The following DMD variants were observed in gnomAD, a reference collection of about 807,000 sequenced individuals.
DMD encodes mutant dystrophin.
DMD carries 63 observed loss-of-function variants against 330.1 expected under a neutral mutation model. That is an observed-to-expected ratio of 0.19 (90% confidence interval 0.16 to 0.24). The LOEUF (loss-of-function observed/expected upper bound fraction) is 0.24. Ranked by LOEUF, DMD falls within the 10% of genes least tolerant of loss-of-function variation. The pLI is 1.00. For synonymous variants in DMD, 1,223 were observed against 959.8 expected, an observed-to-expected ratio of 1.27 and a Z score of -5.07; for missense variants, 3,344 against 2,684.1, an observed-to-expected ratio of 1.25 and a Z score of -5.43.
chrX:31,236,494 G>C (rs1295542309), intron 63 of DMD, among the ~76,000 whole-genome samples: 1 of 112,398 alleles, frequency 8.9e-6, no homozygotes, highest in Non-Finnish European at 1.9e-5. Flanking sequence ...CTTGCTACCA[G>C]GTGGTGCCAC....
chrX:32,993,187 G>A (rs775987343), intron 2 of DMD, among the ~76,000 whole-genome samples: 2 of 111,885 alleles, frequency 1.8e-5, no homozygotes, highest in South Asian at 7.4e-4. Flanking sequence ...CCTAACTTTA[G>A]AACCCGGATT....
intron 1 of DMD, among the ~76,000 whole-genome samples, chrX:33,210,697 A>C (rs1022157329): frequency 8.9e-6 from 1 of 111,808 alleles, no homozygotes; most frequent in African/African-American, 3.2e-5. Context: ...AGAGCATTTG[A>C]AATAGTAAAT....
chrX:31,373,354 A>G (rs1250895154), intron 60 of DMD, among the ~76,000 whole-genome samples: 121 of 99,432 alleles, frequency 1.2e-3, no homozygotes, highest in African/African-American at 4.1e-3. Flanking sequence ...AAGAGCCCGC[A>G]TCGCCAAGTC....
intron 44 of DMD, among the ~76,000 whole-genome samples, chrX:32,064,719 A>T (rs1375183474): frequency 9.0e-6 from 1 of 111,210 alleles, no homozygotes; most frequent in Non-Finnish European, 1.9e-5. Flanking sequence ...TGAGCTAAAG[A>T]GGCAAACAGT....
At chrX:33,031,598 C>A (rs1021744552) in intron 1 of DMD, among the ~76,000 whole-genome samples, 1 of 110,636 alleles carries the variant, frequency 9.0e-6, no homozygotes, top group Non-Finnish European at 1.9e-5. Context: ...CAGTGAAGCC[C>A]CGTCTCTACT....
chrX:32,992,376 A>T (rs1050215311), intron 2 of DMD, among the ~76,000 whole-genome samples: 1 of 111,747 alleles, frequency 8.9e-6, no homozygotes, highest in Non-Finnish European at 1.9e-5. Context: ...AGTGGCCCAG[A>T]TTTGCTTGCA....
intron 60 of DMD, among the ~76,000 whole-genome samples, chrX:31,427,100 T>C (rs1313336280): frequency 8.9e-6 from 1 of 111,771 alleles, no homozygotes; most frequent in African/African-American, 3.3e-5. Flanking sequence ...TTTAATTATA[T>C]TTCATCTCCC....
chrX:32,474,730 G>C (rs1165466618), intron 21 of DMD, among the ~76,000 whole-genome samples: 1 of 111,268 alleles, frequency 9.0e-6, no homozygotes, highest in East Asian at 2.8e-4. Flanking sequence ...ACTGATTTGA[G>C]TTTGTTGTAG....
chrX:31,292,969 G>C (rs1007372041), intron 62 of DMD, among the ~76,000 whole-genome samples: 53 of 110,976 alleles, frequency 4.8e-4, no homozygotes, highest in Non-Finnish European at 8.7e-4. Flanking sequence ...GATTGGGAGA[G>C]GGAATGTGGG....
chrX:32,936,133 C>T (rs1398625261), intron 2 of DMD, among the ~76,000 whole-genome samples: 6 of 106,579 alleles, frequency 5.6e-5, no homozygotes, highest in Non-Finnish European at 7.7e-5. Flanking sequence ...TTTCTGGAGA[C>T]GGAGTTTTGC....
chrX:32,947,705 C>A (rs1275177794), intron 2 of DMD, among the ~76,000 whole-genome samples: 2 of 111,363 alleles, frequency 1.8e-5, no homozygotes, highest in African/African-American at 6.5e-5. Flanking sequence ...TCAAAATGCC[C>A]TGGGAAATTA....
At chrX:32,269,468 C>T (rs2059420881) in intron 43 of DMD, among the ~76,000 whole-genome samples, 1 of 112,017 alleles carries the variant, frequency 8.9e-6, no homozygotes, top group African/African-American at 3.2e-5. Context: ...ACACTTGCCT[C>T]AGTCTCTTCT....
At position 32,454,585 on chromosome X, in the gene DMD, C is replaced by A. The variant is rs749226067; in HGVS notation, c.3603+77G>T. The A allele has an allele frequency of 1.1e-4, 97 of 869,060 alleles. 1 individual carries two copies. The East Asian group carries it at 1.2e-3, about 11-fold the overall frequency. 71.6% of individuals were successfully genotyped at this position (869,060 alleles called of 1,213,427 possible). ...CCAGGAAAGAGCAGACTGTATACAA[C>A]TTCAAGCATTGTTGCATTTCTTTCT... On this transcript the variant is annotated intron_variant, in intron 26 of 78. Coordinates refer to ENST00000357033, the MANE Select transcript of DMD (RefSeq NM_004006.3).
At chrX:31,177,298 T>A (rs1301873327) in intron 71 of DMD, among the ~76,000 whole-genome samples, 2 of 111,713 alleles carry the variant, frequency 1.8e-5, no homozygotes, top group Non-Finnish European at 3.8e-5. Context: ...AGAGCAAATG[T>A]ATAATTGTTT....
Position 32,614,294 on chromosome X carries a change from T to TA in DMD, c.1482+8dup, listed in dbSNP as rs770127975. ...CTAGTAGAAAGCACGCAACATAAGATACACCTACCTTATGTTGTTGTACTT... is the reference window on the plus strand; with the variant it reads ...CTAGTAGAAAGCACGCAACATAAGATAACACCTACCTTATGTTGTTGTACTT... On this transcript the variant is annotated intron_variant, in intron 12 of 78. Coordinates refer to ENST00000357033, the MANE Select transcript of DMD (RefSeq NM_004006.3). 21 of 1,208,224 alleles carry TA rather than the reference T, an allele frequency of 1.7e-5. No homozygotes were observed. The highest frequency in any genetic ancestry group is 2.4e-5 in the Non-Finnish European group (21 of 893,516).
intron 2 of DMD, among the ~76,000 whole-genome samples, chrX:32,882,916 G>C (rs1603456514): frequency 8.9e-6 from 1 of 112,315 alleles, no homozygotes; most frequent in South Asian, 3.7e-4. Flanking sequence ...AGAGCAAAAA[G>C]CCAGAGTGTA....
intron 44 of DMD, among the ~76,000 whole-genome samples, chrX:32,174,878 G>T (rs540910845): frequency 1.8e-5 from 2 of 111,006 alleles, no homozygotes; most frequent in Non-Finnish European, 3.8e-5. Flanking sequence ...CTGGCAACAC[G>T]CAATGTTAGA....
In DMD at chrX:32,445,301, T is replaced by A. The variant is rs779948573; in HGVS notation, c.3786+3155A>T. Among the ~76,000 whole-genome samples, 119 of 110,408 alleles carry A rather than the reference T, an allele frequency of 1.1e-3. 1 individual carries two copies. The highest frequency in any genetic ancestry group is 1.7e-3 in the Non-Finnish European group (87 of 52,359). Reference sequence around the variant, plus strand: ...GGGACAACAGACTAGGCATTATAGATGTGTGTGGGTTTTAACAAAAGGGAA... The same window carrying A: ...GGGACAACAGACTAGGCATTATAGAAGTGTGTGGGTTTTAACAAAAGGGAA... On this transcript the variant is annotated intron_variant, in intron 27 of 78. Coordinates refer to ENST00000357033, the MANE Select transcript of DMD (RefSeq NM_004006.3).
intron 1 of DMD, among the ~76,000 whole-genome samples, chrX:33,315,998 C>G (rs781283799): frequency 9.1e-6 from 1 of 110,309 alleles, no homozygotes; most frequent in South Asian, 3.8e-4. Flanking sequence ...AAATGTTTTG[C>G]AATATACCTC....
Sources: allele counts gnomAD v4.1 joint callset (sites outside exome capture counted in the v4.1 genomes callset), GRCh38; gene constraint gnomAD v4.1.1; transcripts MANE v1.5; gene names NCBI Gene and HGNC (gene_info 2026-07-23, HGNC 2026-07-21).